Variants in FHIP1A observed in about 807,000 individuals in gnomAD.
The protein encoded by FHIP1A is FHF complex subunit HOOK interacting protein 1A, also known as FHF complex subunit HOOK-interacting protein 1A.
A neutral mutation model predicts 88.6 loss-of-function variants in FHIP1A; 61 were observed. The ratio of observed to expected loss-of-function variants is 0.69; its 90% CI spans 0.56 to 0.85. FHIP1A has a LOEUF of 0.85. Among genes scored for constraint, FHIP1A ranks in the 40% least tolerant of loss-of-function variants. The pLI is 0.00. For synonymous variants in FHIP1A, 478 were observed against 496.0 expected, an observed-to-expected ratio of 0.96 and a Z score of 0.48; for missense variants, 1,154 against 1,273.5, an observed-to-expected ratio of 0.91 and a Z score of 1.43.
In FHIP1A at chr4:151,649,900, T is replaced by TG; in HGVS notation, c.1860dup (p.Lys621GlufsTer21). On this transcript the variant is annotated frameshift_variant, in exon 11 of 14. Coordinates refer to ENST00000435205, the MANE Select transcript of FHIP1A (RefSeq NM_001109977.3). LOFTEE classifies it high-confidence loss of function. ...GATCCCCCCAAACACATCCAGGAGA[T>TG]GAAGAAGAATGCCCTCCTGCTCTTC... 6.4e-7 allele frequency: 1 copy of TG among 1,550,994 alleles called. No homozygotes were observed. The highest frequency in any genetic ancestry group is 8.7e-7 in the Non-Finnish European group (1 of 1,146,800).
In FHIP1A at chr4:151,554,082, C is replaced by T. The variant is rs551494278; in HGVS notation, c.-122-12056C>T. Among the ~76,000 whole-genome samples the T allele has an allele frequency of 2.6e-5, 4 of 152,314 alleles. No individual in the cohort carries two copies. In the South Asian group the frequency reaches 8.3e-4, roughly 32 times the overall value. Reference sequence around the variant, plus strand: ...CCATCCAGTCCTCCCAGTCCTCTGACTTTTCTTCTTACTACCCATGTGACC... The same window carrying T: ...CCATCCAGTCCTCCCAGTCCTCTGATTTTTCTTCTTACTACCCATGTGACC... On this transcript the variant is annotated intron_variant, in intron 3 of 13. Transcript: ENST00000435205.
chr4:151,443,869 T>C (rs984594512), intron 1 of FHIP1A, among the ~76,000 whole-genome samples: 2 of 152,126 alleles, frequency 1.3e-5, no homozygotes, highest in African/African-American at 4.8e-5. Flanking sequence ...TCAGTTTCTT[T>C]AGAAATGAAC....
intron 1 of FHIP1A, among the ~76,000 whole-genome samples, chr4:151,413,102 G>T (rs1322437492): frequency 6.6e-6 from 1 of 152,198 alleles, no homozygotes; most frequent in Non-Finnish European, 1.5e-5. Context: ...CATATAGTCT[G>T]TATAGCCTTG....
chr4:151,455,459 T>G (rs1728934086), intron 2 of FHIP1A, among the ~76,000 whole-genome samples: 2 of 152,190 alleles, frequency 1.3e-5, no homozygotes, highest in Non-Finnish European at 2.9e-5. Flanking sequence ...TTTAATTCTC[T>G]TTGTAATAGT....
At chr4:151,614,847 T>C (rs761696511) in intron 7 of FHIP1A, among the ~76,000 whole-genome samples, 4 of 152,210 alleles carry the variant, frequency 2.6e-5, no homozygotes, top group Non-Finnish European at 4.4e-5. Context: ...GATTCTATAT[T>C]GTTGGCCCTT....
chr4:151,510,157 T>A (rs1730977586), intron 3 of FHIP1A, among the ~76,000 whole-genome samples: 2 of 151,860 alleles, frequency 1.3e-5, no homozygotes, highest in Non-Finnish European at 2.9e-5. Flanking sequence ...CAGGCTGGAG[T>A]GCAGTGGTGC....
intron 2 of FHIP1A, among the ~76,000 whole-genome samples, chr4:151,473,614 C>A (rs552072569): frequency 5.3e-5 from 8 of 152,218 alleles, no homozygotes; most frequent in Non-Finnish European, 1.2e-4. Context: ...TTTTACCTCT[C>A]TCTGTGTGAA....
At chr4:151,556,338 AC>A (rs1474930949) in intron 3 of FHIP1A, among the ~76,000 whole-genome samples, 1 of 152,024 alleles carries the variant, frequency 6.6e-6, no homozygotes, top group Non-Finnish European at 1.5e-5. Context: ...CCTTTCCCTC[AC>A]TTTTGAAAAT....
rs1301023418 is a variant in FHIP1A, at chr4:151,523,804, A to G, written c.-123+41156A>G. 2.6e-5 allele frequency among the ~76,000 whole-genome samples: 4 copies of G among 152,136 alleles called. No individual in the cohort carries two copies. The East Asian group carries it at 5.8e-4, about 22-fold the overall frequency. ...AGTCTCTTAATATATGTTTCTTCCA[A>G]TGATCTATTAATACTATTTGTGAAC... On this transcript the variant is annotated intron_variant, in intron 3 of 13. Transcript: ENST00000435205.
At chr4:151,550,898 C>T (rs1036268251) in intron 3 of FHIP1A, among the ~76,000 whole-genome samples, 59 of 152,188 alleles carry the variant, frequency 3.9e-4, no homozygotes, top group Non-Finnish European at 7.3e-4. Flanking sequence ...AAGGCCTAGG[C>T]TGACCCTACA....
In FHIP1A at chr4:151,662,738, A is replaced by T; in HGVS notation, c.3107A>T (p.Glu1036Val). Residue 1036 changes from glutamate (E) to valine (V), a missense_variant, in exon 14 of 14, where the codon GAG (glutamate) becomes GTG (valine). Glu to Val is a moderately radical substitution (Grantham distance 121, BLOSUM62 -2). Coordinates refer to ENST00000435205, the MANE Select transcript of FHIP1A (RefSeq NM_001109977.3). ...ILCYKILGDF[E>V]DSCC ...TGCTACAAGATCTTGGGTGACTTTG[A>T]GGACTCCTGCTGTTAGCTTTTTTTT... The T allele has an allele frequency of 6.7e-7, 1 of 1,498,874 alleles. No homozygotes were observed. The highest frequency in any genetic ancestry group is 8.9e-7 in the Non-Finnish European group (1 of 1,125,820). 92.8% of individuals were successfully genotyped at this position (1,498,874 alleles called of 1,614,324 possible).
chr4:151,490,694 C>T lies in FHIP1A; in HGVS notation c.-123+8046C>T, dbSNP rs578094726. The stretch of plus-strand genomic sequence containing the variant: ...AGAATTCAGAAGGTTGATTATTAAT[C>T]TACTCAAGGAGGCACCAGAGAAAGG... On this transcript the variant is annotated intron_variant, in intron 3 of 13. Transcript: ENST00000435205. Among the ~76,000 whole-genome samples, 5 of 151,866 alleles carry T rather than the reference C, an allele frequency of 3.3e-5. No homozygotes were observed. The South Asian group carries it at 6.3e-4, about 19-fold the overall frequency.
chr4:151,550,239 C>CT (rs777614256), intron 3 of FHIP1A, among the ~76,000 whole-genome samples: 32 of 152,106 alleles, frequency 2.1e-4, no homozygotes, highest in Non-Finnish European at 4.0e-4. Context: ...ATGTTACAAA[C>CT]TATCCAATTG....
chr4:151,575,818 T>A (rs1037748022), intron 4 of FHIP1A, among the ~76,000 whole-genome samples: 1 of 152,178 alleles, frequency 6.6e-6, no homozygotes, highest in African/African-American at 2.4e-5. Flanking sequence ...TTTCCCTCAT[T>A]GCTCATGCAT....
chr4:151,539,664 T>A (rs2126725547), intron 3 of FHIP1A, among the ~76,000 whole-genome samples: 1 of 152,190 alleles, frequency 6.6e-6, no homozygotes. Context: ...GAAAGTACAT[T>A]GACTCTCATG....
At chr4:151,412,664 T>C (rs1732710217) in intron 1 of FHIP1A, among the ~76,000 whole-genome samples, 1 of 110,892 alleles carries the variant, frequency 9.0e-6, no homozygotes, top group Non-Finnish European at 1.9e-5. Flanking sequence ...TCTTTCTTTC[T>C]TTCTCTCTCT....
chr4:151,496,451 A>G (rs1442868723), intron 3 of FHIP1A, among the ~76,000 whole-genome samples: 1 of 152,016 alleles, frequency 6.6e-6, no homozygotes, highest in African/African-American at 2.4e-5. Context: ...ATTGTGGCAC[A>G]TTTGTGCTCT....
At chr4:151,598,691 A>G (rs565480632) in intron 7 of FHIP1A, among the ~76,000 whole-genome samples, 2 of 152,338 alleles carry the variant, frequency 1.3e-5, no homozygotes, top group African/African-American at 2.4e-5. Context: ...ATATTTCTGC[A>G]GCATTTCTGA....
intron 3 of FHIP1A, among the ~76,000 whole-genome samples, chr4:151,493,743 T>C (rs184376887): frequency 1.3e-5 from 2 of 152,346 alleles, no homozygotes; most frequent in East Asian, 3.9e-4. Context: ...TCTCAATAGA[T>C]GCAGAAAATG....
Sources: allele counts gnomAD v4.1 joint callset (sites outside exome capture counted in the v4.1 genomes callset), GRCh38; gene constraint gnomAD v4.1.1; transcripts MANE v1.5; gene names NCBI Gene and HGNC (gene_info 2026-07-23, HGNC 2026-07-21).